TUBGCP4: variants seen among roughly 807,000 people sequenced by gnomAD.
The protein encoded by TUBGCP4 is gamma-tubulin complex component 4.
In TUBGCP4, 54 loss-of-function variants were observed where a neutral mutation model predicts 91.6. The ratio of observed to expected loss-of-function variants is 0.59; its 90% confidence interval spans 0.47 to 0.74. TUBGCP4 has a LOEUF of 0.74. TUBGCP4 is among the 30% of genes least tolerant of loss of function. TUBGCP4 has a pLI of 0.00. For missense variants in TUBGCP4, 593 were observed against 800.9 expected (o/e 0.74, Z 3.13); for synonymous variants, 297 against 302.8 (o/e 0.98, Z 0.20).
Position 43,407,420 on chromosome 15 carries a change from T to C in TUBGCP4, c.*2206T>C, listed in dbSNP as rs753824742. ...ATAATCGTGTTTATATTTTGGATGC[T>C]GCTTGAATCCAATTCTCTCCCCAAC... On this transcript the variant is annotated 3_prime_UTR_variant, in exon 18 of 18. Transcript: ENST00000564079. 4.3e-6 allele frequency: 7 copies of C among 1,614,116 alleles called. No homozygotes were observed. The highest frequency in any genetic ancestry group is 5.9e-6 in the Non-Finnish European group (7 of 1,180,048).
chr15:43,385,162 C>T (rs2044336163), intron 7 of TUBGCP4, among the ~76,000 whole-genome samples: 1 of 152,132 alleles, frequency 6.6e-6, no homozygotes, highest in South Asian at 2.1e-4. Flanking sequence ...GAGCCTGGGG[C>T]TCATGAGAGC....
In TUBGCP4 at chr15:43,380,079, C is replaced by T. The variant is rs369761537; in HGVS notation, c.442-5C>T. ...TCCAGTTTGACAAGGCCGTATTTTC[C>T]ACAGATTCATGGTTGTCAAATCCTG... On this transcript the variant is annotated splice_polypyrimidine_tract_variant and splice_region_variant and intron_variant, in intron 5 of 17. Transcript: ENST00000564079. The T allele has an allele frequency of 8.7e-5, 140 of 1,613,994 alleles. No homozygotes were observed. In the African/African-American group the frequency reaches 1.6e-3, roughly 19 times the overall value.
rs1272423492 is a variant in TUBGCP4, at chr15:43,386,291, T to C, written c.975T>C (p.Phe325=). Residue 325 remains phenylalanine, a synonymous_variant, in exon 9 of 18, where the codon TTT becomes TTC. Transcript: ENST00000564079. ...AGCCACTCTTCAGCTTGGTGGACTT[T>C]GAACAGGTGGTGGATCGCATTCGCA... is the stretch of plus-strand genomic sequence containing the variant. ...KQQPLFSLVD[F]EQVVDRIRST... is the part of the protein sequence containing the mutation. 1.4e-5 allele frequency: 23 copies of C among 1,589,992 alleles called. No individual in the cohort carries two copies. Among genetic ancestry groups the C allele is most frequent in the Non-Finnish European group, 1.9e-5 (22 of 1,169,936 alleles).
At chr15:43,382,128 C>T (rs140429580) in intron 6 of TUBGCP4, among the ~76,000 whole-genome samples, 10 of 151,554 alleles carry the variant, frequency 6.6e-5, no homozygotes, top group Non-Finnish European at 1.2e-4. Context: ...GGGAGGGTGG[C>T]TTGAGTCCAG....
Position 43,405,350 on chromosome 15 carries a change from C to A in TUBGCP4, c.*136C>A. ...AGGACTCTACCTTTTCTCCTAGAAG[C>A]AGTTACTGAACATCCAGGAGTACAA... is the stretch of plus-strand genomic sequence containing the variant. On this transcript the variant is annotated 3_prime_UTR_variant, in exon 18 of 18. Coordinates refer to ENST00000564079, the MANE Select transcript of TUBGCP4 (RefSeq NM_014444.5). The A allele has an allele frequency of 2.0e-6, 2 of 979,018 alleles. No individual in the cohort carries two copies. Among genetic ancestry groups the A allele is most frequent in the African/African-American group, 1.6e-5 (1 of 61,384 alleles). 60.6% of individuals were successfully genotyped at this position (979,018 alleles called of 1,614,324 possible).
intron 9 of TUBGCP4, among the ~76,000 whole-genome samples, chr15:43,387,988 G>A (rs531067592): frequency 6.6e-6 from 1 of 151,670 alleles, no homozygotes; most frequent in East Asian, 2.0e-4. Context: ...AGCTGGGACT[G>A]CAGGCCTGCA....
Position 43,406,335 on chromosome 15 carries a change from A to G in TUBGCP4, c.*1121A>G. 7.0e-6 allele frequency: 2 copies of G among 284,510 alleles called. No homozygotes were observed. The highest frequency in any genetic ancestry group is 1.4e-5 in the Non-Finnish European group (2 of 143,132). The allele number at this position is 284,510 out of a possible 1,614,324, so 17.6% of individuals were successfully genotyped here. The stretch of plus-strand genomic sequence containing the variant: ...CACTGCATCTGGTTTTCATCACTAC[A>G]TATTCTACACACACTGGGAAGCTCT... On this transcript the variant is annotated 3_prime_UTR_variant, in exon 18 of 18. Transcript: ENST00000564079.
At position 43,406,318 on chromosome 15, in the gene TUBGCP4, C is replaced by G. The variant is rs146489780; in HGVS notation, c.*1104C>G. ...TGGCATCAGGTTATAGTCACTGCAT[C>G]TGGTTTTCATCACTACATATTCTAC... On this transcript the variant is annotated 3_prime_UTR_variant, in exon 18 of 18. Transcript: ENST00000564079. 2 of 252,480 alleles carry G rather than the reference C, an allele frequency of 7.9e-6. No individual in the cohort carries two copies. Among genetic ancestry groups the G allele is most frequent in the African/African-American group, 4.5e-5 (2 of 44,328 alleles). 15.6% of individuals were successfully genotyped at this position (252,480 alleles called of 1,614,324 possible). A position where few individuals can be genotyped will look rare whatever the true frequency, so the allele number is the denominator to read the frequency against.
chr15:43,371,224 T>C lies in TUBGCP4; in HGVS notation c.-131T>C, dbSNP rs1595472073. On this transcript the variant is annotated 5_prime_UTR_variant, in exon 1 of 18. Coordinates refer to ENST00000564079, the MANE Select transcript of TUBGCP4 (RefSeq NM_014444.5). ...CCGCCGCAGCGATTGTCTCGGTGGG[T>C]TGATTCGGCACAAACCGCCCGACCC... 1.2e-6 allele frequency: 1 copy of C among 858,972 alleles called. No individual in the cohort carries two copies. The highest frequency in any genetic ancestry group is 1.8e-6 in the Non-Finnish European group (1 of 549,582). The allele number at this position is 858,972 out of a possible 1,614,324, so 53.2% of individuals were successfully genotyped here. A position where few individuals can be genotyped will look rare whatever the true frequency, so the allele number is the denominator to read the frequency against.
intron 15 of TUBGCP4, 119 bp downstream of exon 15, chr15:43,401,969 A>G: frequency 2.2e-6 from 3 of 1,362,948 alleles, no homozygotes; most frequent in Non-Finnish European, 3.0e-6. Flanking sequence ...ATTTTAAAAC[A>G]TTTTTTAAGA....
In TUBGCP4 at chr15:43,407,152, A is replaced by G. The variant is rs1417120830; in HGVS notation, c.*1938A>G. On this transcript the variant is annotated 3_prime_UTR_variant, in exon 18 of 18. Coordinates refer to ENST00000564079, the MANE Select transcript of TUBGCP4 (RefSeq NM_014444.5). ...TAAGCCTGTTGAAAGACTCAGAGAA[A>G]GTACTATGTCTTGTCATTTGTTCTG... The G allele has an allele frequency of 2.1e-6, 1 of 476,614 alleles. No homozygotes were observed. The highest frequency in any genetic ancestry group is 3.5e-5 in the East Asian group (1 of 28,926). The allele number at this position is 476,614 out of a possible 1,614,324, so 29.5% of individuals were successfully genotyped here. A position where few individuals can be genotyped will look rare whatever the true frequency, so the allele number is the denominator to read the frequency against.
intron 17 of TUBGCP4, chr15:43,404,862 C>T (rs562419062): frequency 2.9e-5 from 14 of 484,982 alleles, no homozygotes; most frequent in East Asian, 7.3e-5. Flanking sequence ...GCTGTGCAGC[C>T]GTGGGCACCC....
At chr15:43,385,281 T>C in intron 7 of TUBGCP4, 1 of 451,974 alleles carries the variant, frequency 2.2e-6, no homozygotes. Flanking sequence ...GTTATATGTC[T>C]GTACATTTGT....
chr15:43,400,289 T>TGAATA, intron 14 of TUBGCP4, 68 bp downstream of exon 14: 1 of 1,367,680 alleles, frequency 7.3e-7, no homozygotes, highest in Non-Finnish European at 1.0e-6. Context: ...CAGGGAGTAT[T>TGAATA]GAATAGGGAC....
intron 5 of TUBGCP4, among the ~76,000 whole-genome samples, chr15:43,379,409 A>AG: frequency 6.6e-6 from 1 of 152,340 alleles, no homozygotes; most frequent in African/African-American, 2.4e-5. Context: ...CGGGAGGCCG[A>AG]GGCGGGCGGA....
In TUBGCP4 at chr15:43,405,239, T is replaced by TCTTC. The variant is rs774577548; in HGVS notation, c.*25_*26insCTTC. The TCTTC allele has an allele frequency of 5.0e-6, 8 of 1,613,630 alleles. No individual in the cohort carries two copies. The highest frequency in any genetic ancestry group is 6.8e-6 in the Non-Finnish European group (8 of 1,179,666). ...AAAATTTCTGGCTCATAAATTGAAATAACAGCCACGTTCCCAAGGTTGTAA... is the reference window on the plus strand; with the variant it reads ...AAAATTTCTGGCTCATAAATTGAAATCTTCAACAGCCACGTTCCCAAGGTTGTAA... On this transcript the variant is annotated 3_prime_UTR_variant, in exon 18 of 18. Coordinates refer to ENST00000564079, the MANE Select transcript of TUBGCP4 (RefSeq NM_014444.5).
In TUBGCP4 at chr15:43,371,335, A is replaced by T. The variant is rs528567918; in HGVS notation, c.-20A>T. 7.4e-6 allele frequency: 12 copies of T among 1,610,884 alleles called. No individual in the cohort carries two copies. The African/African-American group carries it at 1.3e-4, about 18-fold the overall frequency. ...GGAGGAGGGGGTGACATAACCAGGG[A>T]CTCGAGGTCCGCCGTGGGAATGATC... On this transcript the variant is annotated 5_prime_UTR_variant, in exon 1 of 18. Coordinates refer to ENST00000564079, the MANE Select transcript of TUBGCP4 (RefSeq NM_014444.5).
intron 9 of TUBGCP4, among the ~76,000 whole-genome samples, chr15:43,386,591 G>A (rs2044377527): frequency 6.7e-6 from 1 of 148,656 alleles, no homozygotes; most frequent in African/African-American, 2.5e-5. Flanking sequence ...CGGGTGTGGT[G>A]GCATGCACCT....
Position 43,397,268 on chromosome 15 carries a change from A to G in TUBGCP4, c.1226A>G (p.Asn409Ser). The G allele has an allele frequency of 6.2e-7, 1 of 1,614,168 alleles. No homozygotes were observed. Among genetic ancestry groups the G allele is most frequent in the Non-Finnish European group, 8.5e-7 (1 of 1,180,030 alleles). The change falls in exon 12 of 18, where the codon AAC becomes AGC. Residue 409 changes from asparagine to serine, a missense_variant. Physicochemically the swap from Asn to Ser is conservative, Grantham distance 46. Coordinates refer to ENST00000564079, the MANE Select transcript of TUBGCP4 (RefSeq NM_014444.5). Reference sequence around the variant, plus strand: ...CACAAGGTATTGCTAGATGATGACAACCTTCTCCCTCTGTTGCACTTGACA... The same window carrying G: ...CACAAGGTATTGCTAGATGATGACAGCCTTCTCCCTCTGTTGCACTTGACA... Reference protein sequence around the residue: ...SAHKVLLDDDNLLPLLHLTIE... With the variant: ...SAHKVLLDDDSLLPLLHLTIE...
Sources: gnomAD v4.1 joint callset for allele counts (sites outside exome capture counted in the v4.1 genomes callset) on GRCh38, gnomAD v4.1.1 for gene constraint, MANE v1.5 for transcripts, NCBI Gene and HGNC (gene_info 2026-07-23, HGNC 2026-07-21) for gene names.